The following ERBB4 variants were observed in gnomAD, a reference collection of about 807,000 sequenced individuals.
The protein encoded by ERBB4 is erb-b2 receptor tyrosine kinase 4, also known as receptor tyrosine-protein kinase erbB-4.
A neutral mutation model predicts 158.0 loss-of-function variants in ERBB4; 42 were observed. The observed-to-expected ratio is 0.27, with a 90% CI of 0.21 to 0.34. ERBB4 has a LOEUF of 0.34. ERBB4 is among the 10% of genes least tolerant of loss of function. The pLI is 1.00. For synonymous variants in ERBB4, 583 were observed against 558.7 expected (o/e 1.04, Z -0.61); for missense variants, 1,333 against 1,624.1 (o/e 0.82, Z 3.08).
intron 1 of ERBB4, among the ~76,000 whole-genome samples, chr2:212,155,419 A>G (rs1388247585): frequency 3.3e-5 from 5 of 152,100 alleles, no homozygotes; most frequent in Non-Finnish European, 5.9e-5. Flanking sequence ...TATTTCTCAA[A>G]AGATGATTCT....
intron 1 of ERBB4, among the ~76,000 whole-genome samples, chr2:212,375,763 A>C (rs374901971): frequency 6.6e-6 from 1 of 152,130 alleles, no homozygotes; most frequent in African/African-American, 2.4e-5. Context: ...AGGATTAGAC[A>C]TCAGTTTGAA....
rs936760421 is a variant in ERBB4 at position 211,708,648 on chromosome 2, A to G, written c.1125-3257T>C. On this transcript the variant is annotated intron_variant, in intron 9 of 27. Transcript: ENST00000342788. ...TCTCTCTCTCTCTCTCTCTCTCACTATCTTTCCCTCCTTCCCTGCACTTCC... is the reference window on the plus strand; with the variant it reads ...TCTCTCTCTCTCTCTCTCTCTCACTGTCTTTCCCTCCTTCCCTGCACTTCC... 1.0e-4 allele frequency among the ~76,000 whole-genome samples: 13 copies of G among 127,772 alleles called. No individual in the cohort carries two copies. In the East Asian group the frequency reaches 2.7e-3, roughly 27 times the overall value. 83.8% of individuals were successfully genotyped at this position (127,772 alleles called of 152,430 possible).
At chr2:211,861,325 GTGTT>G (rs1199964478) in intron 3 of ERBB4, among the ~76,000 whole-genome samples, 27 of 94,168 alleles carry the variant, frequency 2.9e-4, no homozygotes, top group Middle Eastern at 5.8e-3. Context: ...CAGTCCAGGC[GTGTT>G]TTTTTTTTTG....
chr2:212,227,133 C>T (rs1356170426), intron 1 of ERBB4, among the ~76,000 whole-genome samples: 2 of 151,692 alleles, frequency 1.3e-5, no homozygotes, highest in Non-Finnish European at 2.9e-5. Context: ...GTAATCCCAG[C>T]TACTTGGTGG....
At chr2:212,368,945 G>A (rs1157487814) in intron 1 of ERBB4, among the ~76,000 whole-genome samples, 7 of 152,088 alleles carry the variant, frequency 4.6e-5, no homozygotes, top group African/African-American at 1.7e-4. Flanking sequence ...AACTCACAAG[G>A]AATGCAGAAT....
chr2:212,330,054 A>G (rs1397937723), intron 1 of ERBB4, among the ~76,000 whole-genome samples: 5 of 152,216 alleles, frequency 3.3e-5, no homozygotes, highest in South Asian at 4.1e-4. Context: ...GTTAACAGTC[A>G]TGGTGGAGAA....
chr2:212,431,725 G>A (rs1369578135), intron 1 of ERBB4, among the ~76,000 whole-genome samples: 1 of 152,082 alleles, frequency 6.6e-6, no homozygotes, highest in East Asian at 1.9e-4. Context: ...AACATATAGT[G>A]TTAACTGTTT....
rs1553630470 is a variant in ERBB4, at chr2:211,773,629, T to TATATA, written c.556+14391_556+14395dup. Among the ~76,000 whole-genome samples, 3 of 51,060 alleles carry TATATA rather than the reference T, an allele frequency of 5.9e-5. No homozygotes were observed. In the South Asian group the frequency reaches 1.5e-3, roughly 25 times the overall value. 33.5% of individuals were successfully genotyped at this position (51,060 alleles called of 152,430 possible). A position where few individuals can be genotyped will look rare whatever the true frequency, so the allele number is the denominator to read the frequency against. ...ATATATATATATATATATATATATATATATATATATATATATATAATATAT... is the reference window on the plus strand; with the variant it reads ...ATATATATATATATATATATATATATATATAATATATATATATATATATAATATAT... On this transcript the variant is annotated intron_variant, in intron 4 of 27. Transcript: ENST00000342788.
Position 212,403,741 on chromosome 2 carries a change from G to A in ERBB4, c.82+134708C>T, listed in dbSNP as rs2091271852. Among the ~76,000 whole-genome samples, 3 of 151,934 alleles carry A rather than the reference G, an allele frequency of 2.0e-5. No homozygotes were observed. In the South Asian group the frequency reaches 6.2e-4, roughly 32 times the overall value. On this transcript the variant is annotated intron_variant, in intron 1 of 27. Transcript: ENST00000342788. The stretch of plus-strand genomic sequence containing the variant: ...CAGGGACTAGGGGCTTGGGGAAATG[G>A]GAAGTTGCTAATCGACAGGTACAAA...
At chr2:212,039,098 G>A (rs1049735375) in intron 2 of ERBB4, among the ~76,000 whole-genome samples, 1 of 152,072 alleles carries the variant, frequency 6.6e-6, no homozygotes, top group Non-Finnish European at 1.5e-5. Context: ...TTTAGTGAAT[G>A]TGTATTAGTA....
chr2:212,236,235 TG>T (rs1160232266), intron 1 of ERBB4, among the ~76,000 whole-genome samples: 2 of 152,356 alleles, frequency 1.3e-5, no homozygotes, highest in Admixed American at 1.3e-4. Context: ...ATGTGGTTTT[TG>T]TCATTGGTTT....
chr2:212,048,529 T>C (rs995715017), intron 2 of ERBB4, among the ~76,000 whole-genome samples: 7 of 151,922 alleles, frequency 4.6e-5, no homozygotes, highest in African/African-American at 1.7e-4. Flanking sequence ...AAAAGGAAAA[T>C]CGAAGGTAAT....
In ERBB4 at chr2:212,328,932, G is replaced by T. The variant is rs536627741; in HGVS notation, c.83-204029C>A. 2.6e-5 allele frequency among the ~76,000 whole-genome samples: 4 copies of T among 152,058 alleles called. No homozygotes were observed. The East Asian group carries it at 5.8e-4, about 22-fold the overall frequency. ...GCTGACTAGGGCCAATTTTGGACAT[G>T]CATTTTCTGAACTGAACATGATATT... On this transcript the variant is annotated intron_variant, in intron 1 of 27. Coordinates refer to ENST00000342788, the MANE Select transcript of ERBB4 (RefSeq NM_005235.3).
chr2:211,590,223 C>T (rs943484060), intron 19 of ERBB4, among the ~76,000 whole-genome samples: 2 of 152,260 alleles, frequency 1.3e-5, no homozygotes, highest in African/African-American at 4.8e-5. Context: ...CCAAGCTGTC[C>T]TTATTCATTC....
intron 1 of ERBB4, among the ~76,000 whole-genome samples, chr2:212,173,053 T>C (rs528588995): frequency 6.6e-6 from 1 of 152,160 alleles, no homozygotes; most frequent in Non-Finnish European, 1.5e-5. Flanking sequence ...GAATCATATG[T>C]AGAATATGGG....
Position 211,376,973 on chromosome 2 carries a change from C to T in ERBB4, c.*6642G>A, listed in dbSNP as rs1346237767. On this transcript the variant is annotated 3_prime_UTR_variant, in exon 28 of 28. Transcript: ENST00000342788. ...ATAATCGACCCATTTAACAGCAGTA[C>T]CAGTTTATGCTACATATTTCAAAGT... 5 of 233,038 alleles carry T rather than the reference C, an allele frequency of 2.1e-5. No homozygotes were observed. Among genetic ancestry groups the T allele is most frequent in the Admixed American group, 5.6e-5 (1 of 17,736 alleles). The allele number at this position is 233,038 out of a possible 1,614,324, so 14.4% of individuals were successfully genotyped here.
chr2:212,199,019 T>TA (rs1166435985), intron 1 of ERBB4, among the ~76,000 whole-genome samples: 1 of 152,176 alleles, frequency 6.6e-6, no homozygotes, highest in African/African-American at 2.4e-5. Flanking sequence ...GCTCTTGAAA[T>TA]AGAAGTGGAA....
At chr2:211,779,112 G>A (rs1052214539) in intron 4 of ERBB4, 10 of 152,156 alleles carry the variant, frequency 6.6e-5, no homozygotes, top group Non-Finnish European at 2.9e-5. Context: ...TATATTTACA[G>A]TAGGGGTAGA....
At chr2:211,564,840 A>G (rs990082688) in intron 19 of ERBB4, among the ~76,000 whole-genome samples, 3 of 152,232 alleles carry the variant, frequency 2.0e-5, no homozygotes, top group Admixed American at 6.5e-5. Flanking sequence ...TAGCTCTGGG[A>G]AAGGTGACCC....
Sources: allele counts gnomAD v4.1 joint callset (sites outside exome capture counted in the v4.1 genomes callset), GRCh38; gene constraint gnomAD v4.1.1; transcripts MANE v1.5; gene names NCBI Gene and HGNC (gene_info 2026-07-23, HGNC 2026-07-21).